NPSR1: variants seen among roughly 807,000 people sequenced by gnomAD.
NPSR1 encodes neuropeptide S receptor 1.
In NPSR1, 48 loss-of-function variants were observed where a neutral mutation model predicts 46.9. That is an observed-to-expected ratio of 1.02 (90% CI 0.81 to 1.30). The LOEUF (loss-of-function observed/expected upper bound fraction) is 1.30, where lower values mean the gene tolerates loss of function less well. Ranked by LOEUF, NPSR1 falls within the 50% of genes most tolerant of loss-of-function variation. The pLI, the probability that NPSR1 is intolerant of heterozygous loss-of-function variation, is 0.00. For synonymous variants in NPSR1, 176 were observed against 168.1 expected (o/e 1.05, Z -0.36); for missense variants, 450 against 449.5 (o/e 1.00, Z -0.01).
At chr7:34,721,859 C>G (rs1054994030) in intron 2 of NPSR1, among the ~76,000 whole-genome samples, 3 of 151,846 alleles carry the variant, frequency 2.0e-5, no homozygotes, top group African/African-American at 7.3e-5. Context: ...AATTAAAGTC[C>G]TAAGACTAAA....
At chr7:34,716,282 C>T (rs1356775345) in intron 2 of NPSR1, among the ~76,000 whole-genome samples, 2 of 152,164 alleles carry the variant, frequency 1.3e-5, no homozygotes, top group Non-Finnish European at 2.9e-5. Flanking sequence ...CATATAATTA[C>T]TAGCCCATAA....
intron 8 of NPSR1, among the ~76,000 whole-genome samples, chr7:34,862,116 G>T (rs1353080447): frequency 6.6e-6 from 1 of 151,712 alleles, no homozygotes; most frequent in Non-Finnish European, 1.5e-5. Context: ...CTTGATGGTG[G>T]GGTGAGTACT....
chr7:34,691,907 G>C (rs937274168), intron 2 of NPSR1, among the ~76,000 whole-genome samples: 1 of 152,184 alleles, frequency 6.6e-6, no homozygotes, highest in Non-Finnish European at 1.5e-5. Context: ...TTTGAGGCCA[G>C]TTGTTCAAGA....
At chr7:34,787,032 G>A (rs573695466) in intron 3 of NPSR1, among the ~76,000 whole-genome samples, 4 of 152,224 alleles carry the variant, frequency 2.6e-5, no homozygotes, top group African/African-American at 9.6e-5. Flanking sequence ...GTCCTTTGAA[G>A]CTTTGAAGCC....
chr7:34,824,205 G>A (rs1320763451), intron 4 of NPSR1, among the ~76,000 whole-genome samples: 1 of 151,766 alleles, frequency 6.6e-6, no homozygotes, highest in East Asian at 1.9e-4. Flanking sequence ...TTTCCTTTTC[G>A]CTTATTTTTA....
At chr7:34,665,098 G>A (rs1791669217) in intron 1 of NPSR1, among the ~76,000 whole-genome samples, 1 of 152,092 alleles carries the variant, frequency 6.6e-6, no homozygotes, top group Admixed American at 6.5e-5. Context: ...CTTCCTAAAA[G>A]TTAAGATAAG....
chr7:34,835,944 C>T (rs1208525709), intron 6 of NPSR1, among the ~76,000 whole-genome samples: 2 of 152,162 alleles, frequency 1.3e-5, no homozygotes, highest in African/African-American at 4.8e-5. Flanking sequence ...TTCGGAAAAG[C>T]TCTTCAGGCA....
At chr7:34,743,110 T>C (rs1785031591) in intron 2 of NPSR1, among the ~76,000 whole-genome samples, 1 of 152,212 alleles carries the variant, frequency 6.6e-6, no homozygotes, top group Admixed American at 6.5e-5. Context: ...GTCTTTTTAC[T>C]CTGTTGATAG....
At chr7:34,809,954 A>G (rs1788902039) in intron 3 of NPSR1, among the ~76,000 whole-genome samples, 1 of 152,202 alleles carries the variant, frequency 6.6e-6, no homozygotes, top group African/African-American at 2.4e-5. Flanking sequence ...ATGTCCCTGC[A>G]AAGCACATTA....
downstream of NPSR1, among the ~76,000 whole-genome samples, chr7:34,851,995 A>G (rs955405208): frequency 5.3e-5 from 8 of 152,142 alleles, no homozygotes; most frequent in Admixed American, 5.2e-4. Flanking sequence ...TGATTTAAGC[A>G]TTATGAAAAT....
chr7:34,788,114 T>C (rs1787547453), intron 3 of NPSR1, among the ~76,000 whole-genome samples: 2 of 152,026 alleles, frequency 1.3e-5, no homozygotes, highest in Non-Finnish European at 2.9e-5. Context: ...AAAATTTAAA[T>C]TGTGACATCA....
At chr7:34,728,962 TG>T (rs1472411983) in intron 2 of NPSR1, 1 of 152,394 alleles carries the variant, frequency 6.6e-6, no homozygotes, top group African/African-American at 2.4e-5. Flanking sequence ...AAGAGAAGAA[TG>T]AAAGTTAAAT....
At chr7:34,693,153 T>C (rs1384061162) in intron 2 of NPSR1, among the ~76,000 whole-genome samples, 1 of 152,116 alleles carries the variant, frequency 6.6e-6, no homozygotes, top group Non-Finnish European at 1.5e-5. Context: ...ATTATGATTG[T>C]AAGCTTCCTG....
At chr7:34,843,830 C>T (rs1253541389) in intron 6 of NPSR1, among the ~76,000 whole-genome samples, 1 of 152,254 alleles carries the variant, frequency 6.6e-6, no homozygotes, top group African/African-American at 2.4e-5. Flanking sequence ...TGCACAGCTG[C>T]CCTACTCCAT....
chr7:34,684,368 G>A (rs555518004), intron 1 of NPSR1, among the ~76,000 whole-genome samples, 184 bp from the exon 2 acceptor site: 5 of 152,264 alleles, frequency 3.3e-5, no homozygotes, highest in African/African-American at 7.2e-5. Context: ...TTTTTAAAAG[G>A]TGCATTAATT....
At chr7:34,730,632 G>A (rs761846841) in intron 2 of NPSR1, among the ~76,000 whole-genome samples, 1 of 152,226 alleles carries the variant, frequency 6.6e-6, no homozygotes, top group Non-Finnish European at 1.5e-5. Flanking sequence ...CTACTATGAA[G>A]AAGTCATAAA....
chr7:34,677,288 T>C (rs1245302015), intron 1 of NPSR1, among the ~76,000 whole-genome samples: 2 of 152,168 alleles, frequency 1.3e-5, no homozygotes, highest in Non-Finnish European at 2.9e-5. Flanking sequence ...ATGTGAACTT[T>C]GCTGCCAGAG....
chr7:34,876,947 T>C (rs1791590920), intron 8 of NPSR1, among the ~76,000 whole-genome samples: 1 of 152,170 alleles, frequency 6.6e-6, no homozygotes, highest in Non-Finnish European at 1.5e-5. Flanking sequence ...GAATCAGGCC[T>C]GGGAGTCACG....
intron 5 of NPSR1, among the ~76,000 whole-genome samples, chr7:34,833,976 C>T (rs918446345): frequency 3.9e-5 from 6 of 152,176 alleles, no homozygotes; most frequent in Admixed American, 6.5e-5. Flanking sequence ...TGAGGATCAA[C>T]AAAGCCATGA....
Sources: gnomAD v4.1 joint callset for allele counts (sites outside exome capture counted in the v4.1 genomes callset) on GRCh38, gnomAD v4.1.1 for gene constraint, MANE v1.5 for transcripts, NCBI Gene and HGNC (gene_info 2026-07-23, HGNC 2026-07-21) for gene names.